The following DOK6 variants were observed in gnomAD, a reference collection of about 807,000 sequenced individuals.
The protein encoded by DOK6 is docking protein 6.
In DOK6, 22 loss-of-function variants were observed where a neutral mutation model predicts 44.0. That is an observed-to-expected ratio of 0.50 (90% confidence interval 0.36 to 0.71). The LOEUF is 0.71. Ranked by LOEUF, DOK6 falls within the 30% of genes least tolerant of loss-of-function variation. DOK6 has a pLI of 0.00. For synonymous variants in DOK6, 166 were observed against 145.5 expected, an observed-to-expected ratio of 1.14 and a Z score of -1.01; for missense variants, 340 against 416.4, an observed-to-expected ratio of 0.82 and a Z score of 1.60.
chr18:69,602,748 T>C (rs538827965), intron 3 of DOK6, among the ~76,000 whole-genome samples: 1 of 152,280 alleles, frequency 6.6e-6, no homozygotes, highest in East Asian at 1.9e-4. Flanking sequence ...TTAAAAATAA[T>C]GTGGAAGTGA....
chr18:69,555,659 T>C (rs1477727345), intron 1 of DOK6, among the ~76,000 whole-genome samples: 2 of 152,218 alleles, frequency 1.3e-5, no homozygotes, highest in Admixed American at 6.5e-5. Context: ...ATTTAGCAAG[T>C]CTTCCCATCT....
chr18:69,418,406 G>A (rs1337218558), intron 1 of DOK6, among the ~76,000 whole-genome samples: 3 of 151,998 alleles, frequency 2.0e-5, no homozygotes, highest in Non-Finnish European at 4.4e-5. Context: ...ATGAATAACA[G>A]CTTTTCTCAG....
chr18:69,839,308 CT>C (rs1488086364), intron 7 of DOK6, among the ~76,000 whole-genome samples: 2 of 148,788 alleles, frequency 1.3e-5, no homozygotes, highest in African/African-American at 5.0e-5. Context: ...GGTCCTGCCC[CT>C]AGTCTCTCCC....
intron 6 of DOK6, among the ~76,000 whole-genome samples, chr18:69,756,109 C>T (rs1389380857): frequency 3.3e-5 from 5 of 152,182 alleles, no homozygotes; most frequent in Non-Finnish European, 5.9e-5. Flanking sequence ...ATATTTTTTA[C>T]GTGGGCTTGT....
At chr18:69,593,201 CA>C (rs1004610716) in intron 2 of DOK6, among the ~76,000 whole-genome samples, 10 of 151,596 alleles carry the variant, frequency 6.6e-5, no homozygotes, top group Non-Finnish European at 1.0e-4. Flanking sequence ...CCCATTTCTA[CA>C]AAAAAATTAA....
At chr18:69,829,802 G>C (rs1329414900) in intron 7 of DOK6, among the ~76,000 whole-genome samples, 1 of 151,304 alleles carries the variant, frequency 6.6e-6, no homozygotes, top group African/African-American at 2.4e-5. Flanking sequence ...AAAACAATGA[G>C]ATGTAGTTTT....
At chr18:69,786,411 C>T (rs1426723442) in intron 7 of DOK6, among the ~76,000 whole-genome samples, 2 of 152,100 alleles carry the variant, frequency 1.3e-5, no homozygotes, top group Non-Finnish European at 2.9e-5. Context: ...AACCTAATTC[C>T]TATTCTGAAC....
At chr18:69,411,621 T>G (rs1978306299) in intron 1 of DOK6, among the ~76,000 whole-genome samples, 1 of 152,172 alleles carries the variant, frequency 6.6e-6, no homozygotes, top group Non-Finnish European at 1.5e-5. Context: ...TTTAACATGT[T>G]CTTTATCTTT....
intron 6 of DOK6, among the ~76,000 whole-genome samples, chr18:69,752,554 C>CAATTAAGTAATA (rs1979218523): frequency 3.3e-5 from 5 of 152,080 alleles, no homozygotes; most frequent in African/African-American, 1.2e-4. Flanking sequence ...TATTCAGGGT[C>CAATTAAGTAATA]CACTTAAGTA....
chr18:69,558,171 A>G (rs561062985), intron 1 of DOK6, among the ~76,000 whole-genome samples: 1 of 152,228 alleles, frequency 6.6e-6, no homozygotes, highest in Admixed American at 6.5e-5. Context: ...AATTTCTCCA[A>G]CACTCTCACA....
intron 3 of DOK6, among the ~76,000 whole-genome samples, chr18:69,655,648 G>A (rs1428869985): frequency 1.3e-5 from 2 of 151,030 alleles, no homozygotes; most frequent in African/African-American, 2.4e-5. Flanking sequence ...AGCTACTCAG[G>A]AGACTGAGGC....
At chr18:69,590,773 C>T (rs1983603772) in intron 2 of DOK6, among the ~76,000 whole-genome samples, 1 of 152,092 alleles carries the variant, frequency 6.6e-6, no homozygotes, top group South Asian at 2.1e-4. Flanking sequence ...GAAAATATTT[C>T]GGAAGAGAAA....
chr18:69,799,626 C>A (rs1259837387), intron 7 of DOK6, among the ~76,000 whole-genome samples: 1 of 152,052 alleles, frequency 6.6e-6, no homozygotes, highest in Non-Finnish European at 1.5e-5. Context: ...ATAAAGAAAA[C>A]TACTTCCACA....
chr18:69,758,309 T>C (rs1021497219), intron 7 of DOK6, among the ~76,000 whole-genome samples: 14 of 152,280 alleles, frequency 9.2e-5, no homozygotes, highest in Middle Eastern at 3.4e-3. Flanking sequence ...AACCTACCCA[T>C]GAAAGTCTTA....
chr18:69,529,578 G>T (rs1981928031), intron 1 of DOK6, among the ~76,000 whole-genome samples: 1 of 152,108 alleles, frequency 6.6e-6, no homozygotes, highest in Non-Finnish European at 1.5e-5. Context: ...ATAGCGTAAT[G>T]GGCACTCCAT....
At chr18:69,513,435 T>G (rs1481289370) in intron 1 of DOK6, among the ~76,000 whole-genome samples, 1 of 152,218 alleles carries the variant, frequency 6.6e-6, no homozygotes, top group Non-Finnish European at 1.5e-5. Context: ...CATCTTGCCA[T>G]ACTTTGCTTA....
intron 1 of DOK6, among the ~76,000 whole-genome samples, chr18:69,531,240 TATATATA>T (rs1981977298): frequency 6.8e-6 from 1 of 147,258 alleles, no homozygotes. Flanking sequence ...TTTTTAAGTA[TATATATA>T]ATATATACTT....
intron 1 of DOK6, among the ~76,000 whole-genome samples, chr18:69,475,270 A>ACTTTTCC (rs1458317549): frequency 6.6e-6 from 1 of 152,190 alleles, no homozygotes; most frequent in African/African-American, 2.4e-5. Flanking sequence ...TGGAAAAACA[A>ACTTTTCC]AAGTATTGAT....
chr18:69,529,842 C>T lies in DOK6; in HGVS notation c.67-34645C>T, dbSNP rs1298055662. On this transcript the variant is annotated intron_variant, in intron 1 of 7. Coordinates refer to ENST00000382713, the MANE Select transcript of DOK6 (RefSeq NM_152721.6). Reference sequence around the variant, plus strand: ...TGGTACCCCTGTATTTCATATTTCACAATTCTTCAAAATTGTATCAAATGT... The same window carrying T: ...TGGTACCCCTGTATTTCATATTTCATAATTCTTCAAAATTGTATCAAATGT... Among the ~76,000 whole-genome samples the T allele has an allele frequency of 2.6e-5, 4 of 152,178 alleles. No individual in the cohort carries two copies. The East Asian group carries it at 7.7e-4, about 29-fold the overall frequency.
Sources: gnomAD v4.1 joint callset for allele counts (sites outside exome capture counted in the v4.1 genomes callset) on GRCh38, gnomAD v4.1.1 for gene constraint, MANE v1.5 for transcripts, NCBI Gene and HGNC (gene_info 2026-07-23, HGNC 2026-07-21) for gene names.